The following DNAJC16 variants were observed in gnomAD, a reference collection of about 807,000 sequenced individuals.
DNAJC16 encodes the protein DnaJ heat shock protein family (Hsp40) member C16, also known as dnaJ homolog subfamily C member 16.
Under a neutral mutation model 92.7 loss-of-function variants are expected in DNAJC16, and 76 were observed. The ratio of observed to expected loss-of-function variants is 0.82; its 90% CI spans 0.68 to 0.99. DNAJC16 has a LOEUF of 0.99. Ranked by LOEUF, DNAJC16 falls within the 50% of genes least tolerant of loss-of-function variation. DNAJC16 has a pLI of 0.00. For synonymous variants in DNAJC16, 328 were observed against 358.7 expected, an observed-to-expected ratio of 0.91 and a Z score of 0.97; for missense variants, 869 against 942.4, an observed-to-expected ratio of 0.92 and a Z score of 1.02.
intron 7 of DNAJC16, among the ~76,000 whole-genome samples, chr1:15,552,503 A>G (rs919026962): frequency 1.3e-5 from 2 of 151,804 alleles, no homozygotes; most frequent in Non-Finnish European, 2.9e-5. Context: ...AAAAAAAGTT[A>G]CTGTTTGGAA....
intron 11 of DNAJC16, 151 bp from the exon 12 acceptor site, chr1:15,565,768 C>A: frequency 1.4e-6 from 1 of 732,922 alleles, no homozygotes; most frequent in South Asian, 1.7e-5. Context: ...CCCTCCACCA[C>A]CTCCACCCGC....
intron 7 of DNAJC16, among the ~76,000 whole-genome samples, chr1:15,552,630 T>A (rs1031022103): frequency 6.6e-6 from 1 of 152,034 alleles, no homozygotes; most frequent in African/African-American, 2.4e-5. Context: ...TTCTTCTTTT[T>A]TTTATTTTAA....
At chr1:15,566,267 T>G in intron 13 of DNAJC16, 87 bp downstream of exon 13, 1 of 1,112,650 alleles carries the variant, frequency 9.0e-7, no homozygotes, top group Non-Finnish European at 1.3e-6. Context: ...GAACATAGAG[T>G]GTAGAGAAGA....
intron 13 of DNAJC16, chr1:15,566,731 A>G: frequency 5.7e-6 from 1 of 176,590 alleles, no homozygotes. Context: ...AAAAACTTAT[A>G]AAATTAGCTG....
chr1:15,541,942 G>A (rs1570907894), intron 4 of DNAJC16, among the ~76,000 whole-genome samples: 1 of 152,292 alleles, frequency 6.6e-6, no homozygotes, highest in East Asian at 1.9e-4. Flanking sequence ...CTGAGATGGA[G>A]CACCTAATCC....
intron 4 of DNAJC16, among the ~76,000 whole-genome samples, chr1:15,542,532 C>T (rs1038008315): frequency 2.0e-5 from 3 of 152,162 alleles, no homozygotes; most frequent in Admixed American, 1.3e-4. Context: ...AAGGAATGTT[C>T]CCCTGAGTTC....
chr1:15,562,038 T>C lies in DNAJC16; in HGVS notation c.1155-104T>C, dbSNP rs1638702775. On this transcript the variant is annotated intron_variant, in intron 8 of 14. Coordinates refer to ENST00000375847, the MANE Select transcript of DNAJC16 (RefSeq NM_015291.4). The stretch of plus-strand genomic sequence containing the variant: ...CTTTCACTGGGCACAGTGTATTCAC[T>C]TCCATAAGATGAGCTCCTCGTCTTC... The C allele has an allele frequency of 4.1e-6, 5 of 1,217,334 alleles. No homozygotes were observed. The South Asian group carries it at 8.2e-5, about 20-fold the overall frequency. 75.4% of individuals were successfully genotyped at this position (1,217,334 alleles called of 1,614,324 possible).
At chr1:15,552,283 C>T (rs888700787) in intron 7 of DNAJC16, among the ~76,000 whole-genome samples, 1 of 151,700 alleles carries the variant, frequency 6.6e-6, no homozygotes, top group African/African-American at 2.4e-5. Context: ...GTCAGGAGTT[C>T]GAGACCAGCC....
intron 13 of DNAJC16, 189 bp downstream of exon 13, chr1:15,566,369 C>T: frequency 3.5e-6 from 2 of 570,720 alleles, no homozygotes; most frequent in Admixed American, 6.5e-5. Context: ...GTTTAGATGC[C>T]TTAGATTTCA....
rs1638802771 is a variant in DNAJC16 at position 15,566,171 on chromosome 1, A to T, written c.1769A>T (p.Glu590Val). 6.2e-7 allele frequency: 1 copy of T among 1,613,700 alleles called. No individual in the cohort carries two copies. Among genetic ancestry groups the T allele is most frequent in the Non-Finnish European group, 8.5e-7 (1 of 1,179,942 alleles). The change falls in exon 13 of 15, where the codon GAA (glutamate) becomes GTA (valine). Residue 590 changes from glutamate to valine, a missense_variant. Coordinates refer to ENST00000375847, the MANE Select transcript of DNAJC16 (RefSeq NM_015291.4). Reference protein sequence around the residue: ...TGKTEPSFTKENSSKIPKKGF... With the variant: ...TGKTEPSFTKVNSSKIPKKGF... ...AAAACTGAGCCAAGCTTCACCAAAG[A>T]AAACAGCAGGTTTCTCTAACAAAAC...
rs962319716 is a variant in DNAJC16, at chr1:15,563,916, A to G, written c.1339-13A>G. On this transcript the variant is annotated splice_polypyrimidine_tract_variant and intron_variant, in intron 9 of 14. Transcript: ENST00000375847. ...TTGAAACTTCTGATGTTTTTTCTCT[A>G]CTTTTCTTCCAGGTGTCTATTTTAG... is the stretch of plus-strand genomic sequence containing the variant. The G allele has an allele frequency of 5.7e-6, 9 of 1,589,976 alleles. No individual in the cohort carries two copies. The highest frequency in any genetic ancestry group is 7.7e-6 in the Non-Finnish European group (9 of 1,171,192).
At chr1:15,559,334 T>G (rs753031415) in intron 7 of DNAJC16, among the ~76,000 whole-genome samples, 192 bp from the exon 8 acceptor site, 1 of 152,216 alleles carries the variant, frequency 6.6e-6, no homozygotes, top group Non-Finnish European at 1.5e-5. Context: ...AATAGCTGCA[T>G]CATTGCTTTC....
Position 15,549,812 on chromosome 1 carries a change from C to T in DNAJC16, c.1023+1384C>T, listed in dbSNP as rs1244746072. 7.0e-5 allele frequency among the ~76,000 whole-genome samples: 9 copies of T among 128,032 alleles called. No individual in the cohort carries two copies. The East Asian group carries it at 1.3e-3, about 18-fold the overall frequency. The allele number at this position is 128,032 out of a possible 152,430, so 84.0% of individuals were successfully genotyped here. A position where few individuals can be genotyped will look rare whatever the true frequency, so the allele number is the denominator to read the frequency against. On this transcript the variant is annotated intron_variant, in intron 7 of 14. Transcript: ENST00000375847. Reference sequence around the variant, plus strand: ...CAGCCTGGGCGACAGAGCAAGACTCCGTCTCAAAAAAAAAAAAAAAAAAAA... The same window carrying T: ...CAGCCTGGGCGACAGAGCAAGACTCTGTCTCAAAAAAAAAAAAAAAAAAAA...
chr1:15,549,289 T>C (rs1638387434), intron 7 of DNAJC16, among the ~76,000 whole-genome samples: 1 of 152,208 alleles, frequency 6.6e-6, no homozygotes, highest in Admixed American at 6.5e-5. Flanking sequence ...GGAGAAGTCC[T>C]TTCTACAGTT....
intron 5 of DNAJC16, 131 bp from the exon 6 acceptor site, chr1:15,546,636 G>T (rs1638314757): frequency 3.0e-6 from 2 of 661,670 alleles, no homozygotes; most frequent in Non-Finnish European, 2.6e-6. Context: ...AAGACAAAAA[G>T]ATTAGTTATC....
chr1:15,546,266 A>T (rs1052636389), intron 5 of DNAJC16, among the ~76,000 whole-genome samples: 7 of 152,120 alleles, frequency 4.6e-5, no homozygotes, highest in Admixed American at 1.3e-4. Context: ...ATGAGCCATG[A>T]TCATGCCACT....
intron 4 of DNAJC16, among the ~76,000 whole-genome samples, chr1:15,539,462 G>A (rs930512368): frequency 6.6e-6 from 1 of 151,764 alleles, no homozygotes. Context: ...TAGCCAGGAT[G>A]GTCTCGATCT....
At chr1:15,554,713 A>G (rs563802695) in intron 7 of DNAJC16, among the ~76,000 whole-genome samples, 1 of 152,320 alleles carries the variant, frequency 6.6e-6, no homozygotes, top group Middle Eastern at 3.4e-3. Context: ...AACCAACCCA[A>G]AAAACTTACT....
intron 2 of DNAJC16, among the ~76,000 whole-genome samples, chr1:15,532,954 AGAT>A (rs2103402996): frequency 6.6e-6 from 1 of 152,328 alleles, no homozygotes; most frequent in African/African-American, 2.4e-5. Context: ...ATTAAGTTGT[AGAT>A]TTTTTTTTAT....
Sources: gnomAD v4.1 joint callset for allele counts (sites outside exome capture counted in the v4.1 genomes callset) on GRCh38, gnomAD v4.1.1 for gene constraint, MANE v1.5 for transcripts, NCBI Gene and HGNC (gene_info 2026-07-23, HGNC 2026-07-21) for gene names.